The following ERCC6 variants were observed in gnomAD, a reference collection of about 807,000 sequenced individuals.
The protein encoded by ERCC6 is ERCC excision repair 6, chromatin remodeling factor.
Under a neutral mutation model 158.7 loss-of-function variants are expected in ERCC6, and 116 were observed. That is an observed-to-expected ratio of 0.73 (90% CI 0.63 to 0.85). The LOEUF (loss-of-function observed/expected upper bound fraction) is 0.85, where lower values mean the gene tolerates loss of function less well. ERCC6 is among the 40% of genes least tolerant of loss of function. ERCC6 has a pLI of 0.00. For synonymous variants in ERCC6, 678 were observed against 659.3 expected, an observed-to-expected ratio of 1.03 and a Z score of -0.43; for missense variants, 1,698 against 1,799.4, an observed-to-expected ratio of 0.94 and a Z score of 1.02.
chr10:49,509,457 T>C (rs1020336468), intron 5 of ERCC6, among the ~76,000 whole-genome samples: 1 of 152,188 alleles, frequency 6.6e-6, no homozygotes, highest in Non-Finnish European at 1.5e-5. Flanking sequence ...CTATGATAGC[T>C]CATCAAATGG....
At chr10:49,501,733 A>G (rs1851357955) in intron 6 of ERCC6, 1 of 152,040 alleles carries the variant, frequency 6.6e-6, no homozygotes, top group Admixed American at 6.6e-5. Flanking sequence ...AGGCAGGAGG[A>G]TCATTTAAGC....
intron 5 of ERCC6, among the ~76,000 whole-genome samples, chr10:49,520,090 A>G (rs1837111834): frequency 6.6e-6 from 1 of 152,236 alleles, no homozygotes; most frequent in African/African-American, 2.4e-5. Flanking sequence ...TTTTTGAGAA[A>G]CTGATATACA....
chr10:49,491,323 A>G (rs1851169609), intron 8 of ERCC6, among the ~76,000 whole-genome samples: 1 of 152,256 alleles, frequency 6.6e-6, no homozygotes, highest in Admixed American at 6.5e-5. Flanking sequence ...TTAGTGATCT[A>G]AGATACTTTA....
intron 12 of ERCC6, among the ~76,000 whole-genome samples, chr10:49,475,001 A>AG (rs1850850281): frequency 6.6e-6 from 1 of 152,212 alleles, no homozygotes; most frequent in Non-Finnish European, 1.5e-5. Flanking sequence ...AGCTATCACT[A>AG]GTAAACAACA....
the ERCC6 span, among the ~76,000 whole-genome samples, chr10:49,447,113 T>A: frequency 5.9e-4 from 89 of 150,476 alleles, no homozygotes; most frequent in African/African-American, 2.1e-3. Flanking sequence ...CTTTGAAAAA[T>A]TTATGTGGAA....
intron 4 of ERCC6, among the ~76,000 whole-genome samples, chr10:49,525,997 T>C (rs758874692): frequency 3.6e-4 from 55 of 151,614 alleles, no homozygotes; most frequent in Non-Finnish European, 7.4e-5. Context: ...TAACTCTCAC[T>C]GTTAATGCAC....
chr10:49,471,001 C>T lies in ERCC6; in HGVS notation c.3044G>A (p.Ser1015Asn), dbSNP rs775119058. ...TGCAAAAATTGCACTTGTTTCAGTG[C>T]TCTGGGATGCATCAGGACTAGTCAG... ...FTLTSPDASQ[S>N]TETSAIFAGT... The change falls in exon 17 of 21, where the codon AGC becomes AAC. Residue 1015 changes from serine to asparagine, a missense_variant. Physicochemically the swap from Ser to Asn is conservative, Grantham distance 46. Transcript: ENST00000355832. 1.9e-6 allele frequency: 3 copies of T among 1,613,990 alleles called. No individual in the cohort carries two copies. In the East Asian group the frequency reaches 6.7e-5, roughly 36 times the overall value.
At chr10:49,516,772 T>A in intron 5 of ERCC6, 1 of 1,614,180 alleles carries the variant, frequency 6.2e-7, no homozygotes, top group South Asian at 1.1e-5. Flanking sequence ...TCGGCTTTTT[T>A]CCATTTGCAA....
rs769170940 is a variant in ERCC6, at chr10:49,473,011, C to T, written c.2727G>A (p.Val909=). ...CGCCCACCCGCGTGGTCAGAAGAAA[C>T]ACAAATATGGATGTGTCCTAGAGGT... ...TRYNEDTSIF[V]FLLTTRVGGL... The change falls in exon 15 of 21, where the codon GTG becomes GTA. Residue 909 remains valine (V), a synonymous_variant. Transcript: ENST00000355832. The T allele has an allele frequency of 6.2e-7, 1 of 1,613,988 alleles. No homozygotes were observed.
chr10:49,516,740 T>G (rs148587807), intron 5 of ERCC6: 167 of 1,614,030 alleles, frequency 1.0e-4, no homozygotes, highest in Non-Finnish European at 1.4e-4. Flanking sequence ...TAACTCTACC[T>G]GCTACGGGTT....
At chr10:49,526,115 TTTTATATATATATATATATATATATA>T (rs1201908622) in intron 4 of ERCC6, among the ~76,000 whole-genome samples, 1,427 of 105,432 alleles carry the variant, frequency 0.014, 76 homozygotes, top group African/African-American at 0.048. Flanking sequence ...ATTTATATAT[TTTTATATATATATATATATATATATA>T]TATATATATA....
downstream of ERCC6, among the ~76,000 whole-genome samples, chr10:49,449,657 T>A (rs1287452846): frequency 7.1e-6 from 1 of 140,098 alleles, no homozygotes; most frequent in Admixed American, 7.5e-5. Flanking sequence ...GTTCAAGTGA[T>A]CCTTCTGCCT....
intron 8 of ERCC6, among the ~76,000 whole-genome samples, chr10:49,491,897 G>A (rs1851179653): frequency 6.6e-6 from 1 of 152,206 alleles, no homozygotes; most frequent in Non-Finnish European, 1.5e-5. Flanking sequence ...TACAAGGGTA[G>A]TGACAGGATA....
At chr10:49,525,086 G>C (rs1235780502) in intron 4 of ERCC6, 3 of 412,310 alleles carry the variant, frequency 7.3e-6, no homozygotes, top group Non-Finnish European at 1.2e-5. Context: ...AAATAGTCAA[G>C]TTTAGCTGTG....
At chr10:49,452,120 T>A (rs1261287114), downstream of ERCC6, among the ~76,000 whole-genome samples, 1 of 151,946 alleles carries the variant, frequency 6.6e-6, no homozygotes, top group Non-Finnish European at 1.5e-5. Context: ...TCTACTCTAA[T>A]TTTATTATTT....
chr10:49,500,810 A>T (rs1268800378), intron 6 of ERCC6, 114 bp from the exon 7 acceptor site: 5 of 1,076,082 alleles, frequency 4.6e-6, no homozygotes, highest in Non-Finnish European at 7.0e-6. Context: ...TACCAGTCAG[A>T]GAAACATGCG....
intron 18 of ERCC6, 55 bp downstream of exon 18, chr10:49,470,127 G>T: frequency 6.7e-7 from 1 of 1,498,680 alleles, no homozygotes; most frequent in Non-Finnish European, 9.3e-7. Context: ...GCTAGAAACA[G>T]CCTACTCATT....
intron 8 of ERCC6, among the ~76,000 whole-genome samples, chr10:49,491,453 T>C (rs1446417978): frequency 6.6e-6 from 1 of 152,210 alleles, no homozygotes. Flanking sequence ...TGGTAAACTG[T>C]AAAACACTGA....
chr10:49,479,225 G>A (rs1055885042), intron 10 of ERCC6, among the ~76,000 whole-genome samples: 1 of 151,742 alleles, frequency 6.6e-6, no homozygotes, highest in Non-Finnish European at 1.5e-5. Context: ...TAACAACTTA[G>A]TAAATTACTA....
Sources: allele counts gnomAD v4.1 joint callset (sites outside exome capture counted in the v4.1 genomes callset), GRCh38; gene constraint gnomAD v4.1.1; transcripts MANE v1.5; gene names NCBI Gene and HGNC (gene_info 2026-07-23, HGNC 2026-07-21).